The following OSBPL6 variants were observed in gnomAD, a reference collection of about 807,000 sequenced individuals.
OSBPL6 encodes oxysterol binding protein like 6.
A neutral mutation model predicts 125.8 loss-of-function variants in OSBPL6; 49 were observed. The observed-to-expected ratio is 0.39, with a 90% confidence interval of 0.31 to 0.49. The LOEUF (loss-of-function observed/expected upper bound fraction) is 0.49. OSBPL6 is among the 20% of genes least tolerant of loss of function. The pLI, the probability that OSBPL6 is intolerant of heterozygous loss-of-function variation, is 0.88. For missense variants in OSBPL6, 986 were observed against 1,135.4 expected (o/e 0.87, Z 1.89); for synonymous variants, 394 against 391.8 (o/e 1.01, Z -0.07).
chr2:178,288,689 C>A (rs1356074390), intron 2 of OSBPL6, among the ~76,000 whole-genome samples: 1 of 150,872 alleles, frequency 6.6e-6, no homozygotes, highest in Non-Finnish European at 1.5e-5. Context: ...GCTCTTGTTG[C>A]CTAGGCTGGA....
At chr2:178,371,141 C>T (rs185498710) in intron 13 of OSBPL6, among the ~76,000 whole-genome samples, 11 of 152,286 alleles carry the variant, frequency 7.2e-5, no homozygotes, top group Admixed American at 7.2e-4. Context: ...ATCTTCTAAT[C>T]GCTGATCTTA....
intron 15 of OSBPL6, among the ~76,000 whole-genome samples, chr2:178,380,544 A>G (rs1694377662): frequency 6.6e-6 from 1 of 151,092 alleles, no homozygotes; most frequent in African/African-American, 2.4e-5. Flanking sequence ...AAAGTGTTTA[A>G]GTGGATGTGG....
intron 1 of OSBPL6, among the ~76,000 whole-genome samples, chr2:178,261,840 A>T (rs2092075865): frequency 6.6e-6 from 1 of 152,216 alleles, no homozygotes; most frequent in African/African-American, 2.4e-5. Context: ...TTCTTGGAAA[A>T]GGGATTTTAT....
chr2:178,202,717 G>T (rs2089320391), intron 1 of OSBPL6, among the ~76,000 whole-genome samples: 2 of 151,764 alleles, frequency 1.3e-5, no homozygotes, highest in African/African-American at 4.8e-5. Flanking sequence ...AGCTATTTGG[G>T]AGGCTGAGGC....
At chr2:178,273,931 G>A (rs755996830) in intron 1 of OSBPL6, among the ~76,000 whole-genome samples, 1 of 151,972 alleles carries the variant, frequency 6.6e-6, no homozygotes, top group Non-Finnish European at 1.5e-5. Flanking sequence ...CCATATCTCT[G>A]GCAAACAAGA....
At chr2:178,247,842 T>C (rs890954945) in intron 1 of OSBPL6, among the ~76,000 whole-genome samples, 2 of 152,192 alleles carry the variant, frequency 1.3e-5, no homozygotes, top group African/African-American at 4.8e-5. Flanking sequence ...CTGCTCCTTA[T>C]ACCTCACAGG....
chr2:178,325,783 G>C (rs1409947602), intron 4 of OSBPL6, among the ~76,000 whole-genome samples: 3 of 152,194 alleles, frequency 2.0e-5, no homozygotes, highest in Non-Finnish European at 4.4e-5. Context: ...GAAGGCCCCA[G>C]CTTGGTCAAA....
intron 1 of OSBPL6, among the ~76,000 whole-genome samples, chr2:178,207,737 G>A (rs948708853): frequency 1.3e-5 from 2 of 152,010 alleles, no homozygotes; most frequent in Non-Finnish European, 2.9e-5. Context: ...TGGGGAGGAG[G>A]GTGGGAGATG....
At chr2:178,395,363 A>G (rs1559335394) in intron 24 of OSBPL6, 88 bp from the exon 25 acceptor site, 4 of 855,858 alleles carry the variant, frequency 4.7e-6, no homozygotes, top group Admixed American at 2.3e-5. Context: ...CACTGCTTAT[A>G]TGTCCATGTC....
At chr2:178,197,632 CA>C (rs2088981175) in intron 1 of OSBPL6, among the ~76,000 whole-genome samples, 1 of 152,040 alleles carries the variant, frequency 6.6e-6, no homozygotes, top group African/African-American at 2.4e-5. Context: ...ATAAACAGAA[CA>C]ATTATTAACA....
At chr2:178,353,355 G>A (rs1205633203) in intron 12 of OSBPL6, among the ~76,000 whole-genome samples, 1 of 152,160 alleles carries the variant, frequency 6.6e-6, no homozygotes, top group Non-Finnish European at 1.5e-5. Context: ...TTGAAAAAAG[G>A]TTAGACGAAT....
rs776236958 is a variant in OSBPL6 at position 178,400,072 on chromosome 2, G to A, written c.*4513G>A. 8.6e-5 allele frequency: 13 copies of A among 152,046 alleles called. No homozygotes were observed. Among genetic ancestry groups the A allele is most frequent in the Non-Finnish European group, 1.9e-4 (13 of 67,990 alleles). The allele number at this position is 152,046 out of a possible 1,614,324, so 9.4% of individuals were successfully genotyped here. A position where few individuals can be genotyped will look rare whatever the true frequency, so the allele number is the denominator to read the frequency against. On this transcript the variant is annotated 3_prime_UTR_variant, in exon 25 of 25. Coordinates refer to ENST00000190611, the MANE Select transcript of OSBPL6 (RefSeq NM_032523.4). ...CATAAAGCAAAGTATCATCTTATTT[G>A]TGTTCCACCTGTTTCTTCTAACACT...
At chr2:178,253,203 G>A (rs900221752) in intron 1 of OSBPL6, among the ~76,000 whole-genome samples, 1 of 152,006 alleles carries the variant, frequency 6.6e-6, no homozygotes, top group Non-Finnish European at 1.5e-5. Flanking sequence ...TGTATTTTTA[G>A]TACAGATGGG....
chr2:178,368,350 G>A (rs1185734711), intron 13 of OSBPL6, among the ~76,000 whole-genome samples: 1 of 152,090 alleles, frequency 6.6e-6, no homozygotes, highest in Non-Finnish European at 1.5e-5. Context: ...TGCCAGAGTG[G>A]GAACAGTCTT....
intron 12 of OSBPL6, among the ~76,000 whole-genome samples, chr2:178,360,463 A>G (rs2154097948): frequency 6.6e-6 from 1 of 152,336 alleles, no homozygotes; most frequent in East Asian, 1.9e-4. Flanking sequence ...TTATGACATC[A>G]TGTTGTATAC....
At position 178,398,737 on chromosome 2, in the gene OSBPL6, T is replaced by C. The variant is rs1167979461; in HGVS notation, c.*3178T>C. ...TTTCAATATATGAGATGCCAGGTTG[T>C]CAATTTTCTAAACCTTTTCCTCTAG... On this transcript the variant is annotated 3_prime_UTR_variant, in exon 25 of 25. Transcript: ENST00000190611. 6.6e-6 allele frequency: 1 copy of C among 152,190 alleles called. No homozygotes were observed. Among genetic ancestry groups the C allele is most frequent in the East Asian group, 1.9e-4 (1 of 5,196 alleles). 9.4% of individuals were successfully genotyped at this position (152,190 alleles called of 1,614,324 possible). A position where few individuals can be genotyped will look rare whatever the true frequency, so the allele number is the denominator to read the frequency against.
chr2:178,374,653 T>C (rs1331726238), intron 15 of OSBPL6, among the ~76,000 whole-genome samples: 1 of 152,220 alleles, frequency 6.6e-6, no homozygotes, highest in African/African-American at 2.4e-5. Flanking sequence ...TTTTCTGGCA[T>C]GAGAAAAGCA....
At chr2:178,316,485 T>G (rs886813600) in intron 3 of OSBPL6, among the ~76,000 whole-genome samples, 5 of 151,862 alleles carry the variant, frequency 3.3e-5, no homozygotes, top group Admixed American at 2.0e-4. Context: ...CTAAAAATGC[T>G]TTTGAATATT....
Position 178,395,865 on chromosome 2 carries a change from T to A in OSBPL6, c.*306T>A. ...TATAAAATCCAAAGTCTGACCAGTT[T>A]GTAAAGAAAAACAAATGGTAACTGG... On this transcript the variant is annotated 3_prime_UTR_variant, in exon 25 of 25. Coordinates refer to ENST00000190611, the MANE Select transcript of OSBPL6 (RefSeq NM_032523.4). 2 of 423,586 alleles carry A rather than the reference T, an allele frequency of 4.7e-6. No homozygotes were observed. Among genetic ancestry groups the A allele is most frequent in the South Asian group, 3.6e-5 (2 of 55,638 alleles). 26.2% of individuals were successfully genotyped at this position (423,586 alleles called of 1,614,324 possible). A position where few individuals can be genotyped will look rare whatever the true frequency, so the allele number is the denominator to read the frequency against.
Sources: gnomAD v4.1 joint callset for allele counts (sites outside exome capture counted in the v4.1 genomes callset) on GRCh38, gnomAD v4.1.1 for gene constraint, MANE v1.5 for transcripts, NCBI Gene and HGNC (gene_info 2026-07-23, HGNC 2026-07-21) for gene names.